The following ERBB4 variants were observed in gnomAD, a reference collection of about 807,000 sequenced individuals.
ERBB4 encodes the protein receptor tyrosine-protein kinase erbB-4.
ERBB4 carries 42 observed loss-of-function variants against 158.0 expected under a neutral mutation model. The ratio of observed to expected loss-of-function variants is 0.27; its 90% CI spans 0.21 to 0.34. The LOEUF (loss-of-function observed/expected upper bound fraction) is 0.34, where lower values mean the gene tolerates loss of function less well. Ranked by LOEUF, ERBB4 falls within the 10% of genes least tolerant of loss-of-function variation. The pLI, the probability that ERBB4 is intolerant of heterozygous loss-of-function variation, is 1.00. For missense variants in ERBB4, 1,333 were observed against 1,624.1 expected (o/e 0.82, Z 3.08); for synonymous variants, 583 against 558.7 (o/e 1.04, Z -0.61).
intron 2 of ERBB4, among the ~76,000 whole-genome samples, chr2:211,983,601 G>A (rs1461915049): frequency 6.6e-6 from 1 of 152,066 alleles, no homozygotes; most frequent in Non-Finnish European, 1.5e-5. Context: ...AGAATCATTT[G>A]TACTACCTAT....
chr2:211,933,094 AT>A (rs1437271005), intron 3 of ERBB4, among the ~76,000 whole-genome samples: 1 of 151,920 alleles, frequency 6.6e-6, no homozygotes, highest in African/African-American at 2.4e-5. Context: ...GGTTCTCGTA[AT>A]TTTTAAGAGG....
At chr2:212,363,529 C>T (rs1010858281) in intron 1 of ERBB4, among the ~76,000 whole-genome samples, 4 of 151,368 alleles carry the variant, frequency 2.6e-5, no homozygotes, top group Admixed American at 6.6e-5. Flanking sequence ...ATCTGAACTT[C>T]ACGTCCAACT....
chr2:212,502,186 C>G (rs1035704273), intron 1 of ERBB4, among the ~76,000 whole-genome samples: 2 of 151,956 alleles, frequency 1.3e-5, no homozygotes, highest in African/African-American at 2.4e-5. Flanking sequence ...TGAGCTATAG[C>G]TTATTATGCA....
rs553418314 is a variant in ERBB4, at chr2:211,621,933, C to T, written c.2202+1989G>A. Among the ~76,000 whole-genome samples, 6 of 152,202 alleles carry T rather than the reference C, an allele frequency of 3.9e-5. No individual in the cohort carries two copies. In the South Asian group the frequency reaches 1.2e-3, roughly 32 times the overall value. ...TCAGCACAGAAGCCTTCAGTTACAT[C>T]TGTGAATACGGAGATTTGTAGCATT... On this transcript the variant is annotated intron_variant, in intron 18 of 27. Transcript: ENST00000342788.
chr2:211,702,301 T>G, intron 11 of ERBB4, 135 bp from the exon 12 acceptor site: 1 of 772,120 alleles, frequency 1.3e-6, no homozygotes, highest in Non-Finnish European at 2.3e-6. Flanking sequence ...GTTTAGAATA[T>G]TGTTTTTACA....
chr2:212,201,544 T>A (rs2105903112), intron 1 of ERBB4, among the ~76,000 whole-genome samples: 1 of 152,288 alleles, frequency 6.6e-6, no homozygotes, highest in South Asian at 2.1e-4. Context: ...TCTAATTATT[T>A]TCTCTAATGT....
rs1161516550 is a variant in ERBB4, at chr2:212,015,099, T to A, written c.235-67483A>T. Among the ~76,000 whole-genome samples, 12 of 74,362 alleles carry A rather than the reference T, an allele frequency of 1.6e-4. 2 individuals are homozygous for A. Among genetic ancestry groups the A allele is most frequent in the East Asian group, 6.4e-4 (2 of 3,106 alleles). 48.8% of individuals were successfully genotyped at this position (74,362 alleles called of 152,430 possible). A position where few individuals can be genotyped will look rare whatever the true frequency, so the allele number is the denominator to read the frequency against. ...ATATATATATATATATATATATATA[T>A]ATATATATATATAAAAATTAGCCGG... On this transcript the variant is annotated intron_variant, in intron 2 of 27. Coordinates refer to ENST00000342788, the MANE Select transcript of ERBB4 (RefSeq NM_005235.3).
intron 1 of ERBB4, among the ~76,000 whole-genome samples, chr2:212,446,115 T>A (rs1348473014): frequency 6.6e-6 from 1 of 152,186 alleles, no homozygotes; most frequent in Non-Finnish European, 1.5e-5. Context: ...ATGTTAGGCA[T>A]AATTATGACC....
chr2:212,141,159 T>C (rs1034236651), intron 1 of ERBB4, among the ~76,000 whole-genome samples: 5 of 152,100 alleles, frequency 3.3e-5, no homozygotes, highest in East Asian at 1.9e-4. Flanking sequence ...GAAATACTTA[T>C]ATGCTGAAGA....
At chr2:212,375,555 G>A (rs533868499) in intron 1 of ERBB4, among the ~76,000 whole-genome samples, 1 of 152,136 alleles carries the variant, frequency 6.6e-6, no homozygotes, top group South Asian at 2.1e-4. Flanking sequence ...TGTAAATGTG[G>A]ATTATTACCT....
In ERBB4 at chr2:211,785,108, T is replaced by TTTA. The variant is rs1553633141; in HGVS notation, c.556+2916_556+2917insTAA. On this transcript the variant is annotated intron_variant, in intron 4 of 27. Transcript: ENST00000342788. ...GATGCACAGCCTTTTTTTTTTTTTT[T>TTTA]TTTTTATTTTTTGAGACGGAGTCTC... Among the ~76,000 whole-genome samples the TTTA allele has an allele frequency of 2.6e-3, 367 of 142,608 alleles. 2 individuals carry two copies. The East Asian group carries it at 0.06, about 23-fold the overall frequency. 93.6% of individuals were successfully genotyped at this position (142,608 alleles called of 152,430 possible). A position where few individuals can be genotyped will look rare whatever the true frequency, so the allele number is the denominator to read the frequency against.
chr2:211,715,469 T>C (rs966669294), intron 7 of ERBB4, among the ~76,000 whole-genome samples: 1 of 152,206 alleles, frequency 6.6e-6, no homozygotes, highest in African/African-American at 2.4e-5. Flanking sequence ...GTAGCCATTC[T>C]TTCTTCAAGG....
chr2:211,447,885 A>G (rs2064150478), intron 20 of ERBB4, among the ~76,000 whole-genome samples: 1 of 152,186 alleles, frequency 6.6e-6, no homozygotes, highest in African/African-American at 2.4e-5. Flanking sequence ...AAAACTGAAC[A>G]CTTCATTAAG....
At chr2:211,595,686 G>A (rs1238275775) in intron 19 of ERBB4, among the ~76,000 whole-genome samples, 1 of 152,138 alleles carries the variant, frequency 6.6e-6, no homozygotes, top group Non-Finnish European at 1.5e-5. Flanking sequence ...ACCTGCACGG[G>A]TCCAATTACA....
At chr2:211,885,353 A>G (rs1012731876) in intron 3 of ERBB4, among the ~76,000 whole-genome samples, 2 of 152,244 alleles carry the variant, frequency 1.3e-5, no homozygotes. Flanking sequence ...ATCTATAGTG[A>G]TAGTAAAGAA....
chr2:211,393,585 C>G (rs1298528011), intron 25 of ERBB4, among the ~76,000 whole-genome samples: 1 of 152,112 alleles, frequency 6.6e-6, no homozygotes, highest in Non-Finnish European at 1.5e-5. Context: ...GTGAAAAGAA[C>G]TTAATGACTT....
At chr2:211,922,369 T>C (rs2079878347) in intron 3 of ERBB4, among the ~76,000 whole-genome samples, 1 of 152,176 alleles carries the variant, frequency 6.6e-6, no homozygotes, top group Non-Finnish European at 1.5e-5. Context: ...TAAATGATTC[T>C]AATATCAAAA....
At chr2:212,407,926 T>C (rs1436282505) in intron 1 of ERBB4, among the ~76,000 whole-genome samples, 1 of 151,978 alleles carries the variant, frequency 6.6e-6, no homozygotes, top group African/African-American at 2.4e-5. Context: ...AATTTGAAAA[T>C]TTAGGTATAA....
intron 1 of ERBB4, among the ~76,000 whole-genome samples, chr2:212,325,689 T>A (rs889948821): frequency 1.3e-5 from 2 of 150,412 alleles, no homozygotes; most frequent in African/African-American, 2.4e-5. Flanking sequence ...ATCATTCCTG[T>A]GTATTAAAGT....
Sources: allele counts gnomAD v4.1 joint callset (sites outside exome capture counted in the v4.1 genomes callset), GRCh38; gene constraint gnomAD v4.1.1; transcripts MANE v1.5; gene names NCBI Gene and HGNC (gene_info 2026-07-23, HGNC 2026-07-21).